Variants in MLIP observed in about 807,000 individuals in gnomAD.
The protein encoded by MLIP is muscular LMNA interacting protein.
Under a neutral mutation model 84.8 loss-of-function variants are expected in MLIP, and 79 were observed. The observed-to-expected ratio is 0.93, with a 90% CI of 0.78 to 1.12. MLIP has a LOEUF of 1.12. MLIP is among the 50% of genes most tolerant of loss of function. The pLI, the probability that MLIP is intolerant of heterozygous loss-of-function variation, is 0.00. For synonymous variants in MLIP, 504 were observed against 463.0 expected (o/e 1.09, Z -1.14); for missense variants, 1,257 against 1,160.6 (o/e 1.08, Z -1.21).
intron 12 of MLIP, among the ~76,000 whole-genome samples, chr6:54,237,804 T>C (rs748252045): frequency 2.0e-5 from 3 of 152,078 alleles, no homozygotes; most frequent in Non-Finnish European, 4.4e-5. Flanking sequence ...GAACCGTGAT[T>C]GTGTCACTGC....
intron 1 of MLIP, among the ~76,000 whole-genome samples, chr6:54,024,546 T>C (rs1308413282): frequency 2.0e-5 from 3 of 152,174 alleles, no homozygotes; most frequent in Non-Finnish European, 4.4e-5. Context: ...TCAGTATACA[T>C]CACTAGACAC....
chr6:54,204,122 C>T (rs1778880914), intron 11 of MLIP, among the ~76,000 whole-genome samples: 1 of 151,982 alleles, frequency 6.6e-6, no homozygotes, highest in South Asian at 2.1e-4. Flanking sequence ...TCTGAGAAGG[C>T]TATGATTTAT....
chr6:54,263,786 T>A (rs1177824144), intron 13 of MLIP, among the ~76,000 whole-genome samples: 1 of 152,092 alleles, frequency 6.6e-6, no homozygotes, highest in African/African-American at 2.4e-5. Context: ...CATCTTAAGT[T>A]CTTTCTTGCT....
intron 1 of MLIP, among the ~76,000 whole-genome samples, chr6:54,068,713 C>A (rs1159669054): frequency 3.0e-5 from 3 of 100,912 alleles, no homozygotes; most frequent in African/African-American, 7.6e-5. Flanking sequence ...AACCTCGTTT[C>A]CCATGACAAC....
intron 11 of MLIP, among the ~76,000 whole-genome samples, chr6:54,218,736 G>T (rs2150764589): frequency 6.6e-6 from 1 of 152,028 alleles, no homozygotes; most frequent in East Asian, 1.9e-4. Flanking sequence ...GGCTGGTGTT[G>T]AAGTCCTGAC....
chr6:54,082,983 A>G lies in MLIP; in HGVS notation c.64-38464A>G, dbSNP rs138478708. Among the ~76,000 whole-genome samples the G allele has an allele frequency of 8.5e-5, 13 of 152,230 alleles. No homozygotes were observed. In the East Asian group the frequency reaches 2.3e-3, roughly 27 times the overall value. The stretch of plus-strand genomic sequence containing the variant: ...CATGTGTAATGTTTTGTATTTGTCT[A>G]TCTGTTTTTCTCATAAGATTATAAG... On this transcript the variant is annotated intron_variant, in intron 1 of 12. Transcript: ENST00000274897.
chr6:54,112,808 A>G (rs1769582161), intron 1 of MLIP, among the ~76,000 whole-genome samples: 1 of 152,180 alleles, frequency 6.6e-6, no homozygotes. Context: ...GGTTATGTTT[A>G]GAAATTTTTT....
chr6:54,164,092 G>T (rs890927192), intron 8 of MLIP, among the ~76,000 whole-genome samples: 3 of 151,816 alleles, frequency 2.0e-5, no homozygotes, highest in African/African-American at 7.3e-5. Context: ...CTTTATGTAT[G>T]ATCTTACAGA....
chr6:54,099,573 T>A (rs916710734), intron 1 of MLIP: 1 of 152,184 alleles, frequency 6.6e-6, no homozygotes, highest in Non-Finnish European at 1.5e-5. Context: ...GGCTTATAGA[T>A]TGCCAGCCTG....
At chr6:54,020,846 A>G (rs1180374104) in intron 1 of MLIP, among the ~76,000 whole-genome samples, 1 of 152,154 alleles carries the variant, frequency 6.6e-6, no homozygotes, top group Non-Finnish European at 1.5e-5. Flanking sequence ...AGGCATACGA[A>G]CATTCACCTG....
Position 54,137,186 on chromosome 6 carries a change from C to T in MLIP, c.1117C>T (p.Leu373Phe). The T allele has an allele frequency of 2.0e-6, 3 of 1,536,128 alleles. No homozygotes were observed. Among genetic ancestry groups the T allele is most frequent in the Non-Finnish European group, 2.6e-6 (3 of 1,146,896 alleles). ...ACCAGTCCGCATTGTCACGCATTCA[C>T]TCTCTCCGAGCCCCAAACCATTTAC... is the stretch of plus-strand genomic sequence containing the variant. ...YIPVRIVTHSLSPSPKPFTSS... is the reference protein window; with the variant it reads ...YIPVRIVTHSFSPSPKPFTSS... The change falls in exon 4 of 14, where the codon CTC becomes TTC. Residue 373 changes from leucine (L) to phenylalanine (F), a missense_variant. By Grantham distance (22) the Leu-to-Phe change is conservative (BLOSUM62 0). Coordinates refer to ENST00000502396, the MANE Select transcript of MLIP (RefSeq NM_001281747.2).
intron 4 of MLIP, among the ~76,000 whole-genome samples, chr6:54,141,947 C>T (rs960704846): frequency 2.6e-5 from 4 of 152,188 alleles, no homozygotes; most frequent in African/African-American, 9.6e-5. Context: ...TTTTATATTT[C>T]ATAAAACTTT....
At chr6:54,150,765 G>T (rs1055959543) in intron 5 of MLIP, among the ~76,000 whole-genome samples, 3 of 152,110 alleles carry the variant, frequency 2.0e-5, no homozygotes, top group Non-Finnish European at 4.4e-5. Context: ...TGTCTGTTAG[G>T]ATTGTTTCCA....
At chr6:54,072,065 G>A (rs572675056) in intron 1 of MLIP, among the ~76,000 whole-genome samples, 2 of 152,210 alleles carry the variant, frequency 1.3e-5, no homozygotes, top group South Asian at 4.2e-4. Context: ...CTTTAGTGGC[G>A]AAAAGGTCTT....
intron 8 of MLIP, among the ~76,000 whole-genome samples, chr6:54,164,351 G>A (rs1271981453): frequency 2.0e-5 from 3 of 151,756 alleles, no homozygotes; most frequent in Non-Finnish European, 4.4e-5. Flanking sequence ...ATTCCTTCAA[G>A]AGGAATCCTT....
chr6:54,265,658 C>T (rs1160702975), intron 13 of MLIP, among the ~76,000 whole-genome samples: 9 of 152,050 alleles, frequency 5.9e-5, no homozygotes, highest in Admixed American at 5.9e-4. Flanking sequence ...TTCCTTAAGG[C>T]AGCCCCTGCC....
intron 1 of MLIP, among the ~76,000 whole-genome samples, chr6:54,058,589 G>C (rs1765791983): frequency 6.6e-6 from 1 of 152,192 alleles, no homozygotes; most frequent in African/African-American, 2.4e-5. Flanking sequence ...TGTTATAAAA[G>C]GGAGGTAAAC....
At chr6:54,088,732 G>A (rs546153570) in intron 1 of MLIP, among the ~76,000 whole-genome samples, 1 of 152,244 alleles carries the variant, frequency 6.6e-6, no homozygotes, top group South Asian at 2.1e-4. Context: ...TGATCCATTA[G>A]GGTATGGAGA....
chr6:54,059,401 A>G (rs1765838563), intron 1 of MLIP, among the ~76,000 whole-genome samples: 1 of 152,216 alleles, frequency 6.6e-6, no homozygotes, highest in Non-Finnish European at 1.5e-5. Flanking sequence ...GTGCCATGCC[A>G]TAATAATATT....
Sources: allele counts gnomAD v4.1 joint callset (sites outside exome capture counted in the v4.1 genomes callset), GRCh38; gene constraint gnomAD v4.1.1; transcripts MANE v1.5; gene names NCBI Gene and HGNC (gene_info 2026-07-23, HGNC 2026-07-21).